Variants in BANK1 observed in about 807,000 individuals in gnomAD.
The protein encoded by BANK1 is B cell scaffold protein with ankyrin repeats 1.
BANK1 carries 95 observed loss-of-function variants against 94.5 expected under a neutral mutation model. The ratio of observed to expected loss-of-function variants is 1.00; its 90% CI spans 0.85 to 1.19. The LOEUF is 1.19. Ranked by LOEUF, BANK1 falls within the 50% of genes most tolerant of loss-of-function variation. BANK1 has a pLI of 0.00. For missense variants in BANK1, 987 were observed against 932.2 expected (o/e 1.06, Z -0.77); for synonymous variants, 334 against 308.4 (o/e 1.08, Z -0.87).
At chr4:101,930,741 G>T (rs1490152954) in intron 7 of BANK1, among the ~76,000 whole-genome samples, 1 of 151,444 alleles carries the variant, frequency 6.6e-6, no homozygotes, top group Admixed American at 6.6e-5. Flanking sequence ...CACACATTTG[G>T]TAATAAGTAG....
Position 101,925,932 on chromosome 4 carries a change from A to G in BANK1, c.1206+7743A>G, listed in dbSNP as rs560642938. On this transcript the variant is annotated intron_variant, in intron 7 of 16. Coordinates refer to ENST00000322953, the MANE Select transcript of BANK1 (RefSeq NM_017935.5). ...AATTAAAGCAATCAGTATTGACACC[A>G]TATCTGTCGAGCGTGGCCCTCATGA... is the stretch of plus-strand genomic sequence containing the variant. Among the ~76,000 whole-genome samples the G allele has an allele frequency of 2.9e-3, 439 of 151,896 alleles. 3 individuals are homozygous for G. The highest frequency in any genetic ancestry group is 4.3e-3 in the Non-Finnish European group (292 of 67,792).
chr4:102,003,849 A>G (rs1053475809), intron 7 of BANK1, among the ~76,000 whole-genome samples: 24 of 151,460 alleles, frequency 1.6e-4, no homozygotes, highest in African/African-American at 5.3e-4. Context: ...ATATATGCCT[A>G]TTTCATATTT....
In BANK1 at chr4:101,847,984, G is replaced by A. The variant is rs566495088; in HGVS notation, c.470-7051G>A. ...GGCCATCTTCCTGATGGATCCCTTT[G>A]GCGCCAGCGAGGAATGGCTGCCTGG... On this transcript the variant is annotated intron_variant, in intron 2 of 16. Transcript: ENST00000322953. Among the ~76,000 whole-genome samples, 228 of 152,214 alleles carry A rather than the reference G, an allele frequency of 1.5e-3. 1 individual carries two copies. Among genetic ancestry groups the A allele is most frequent in the African/African-American group, 5.0e-3 (207 of 41,542 alleles).
intron 11 of BANK1, among the ~76,000 whole-genome samples, chr4:102,055,545 T>C (rs892546083): frequency 2.6e-5 from 4 of 152,012 alleles, no homozygotes; most frequent in Non-Finnish European, 5.9e-5. Flanking sequence ...AAGGAGATAC[T>C]TTCTCCATTA....
In BANK1 at chr4:101,953,757, C is replaced by T. The variant is rs556845399; in HGVS notation, c.1206+35568C>T. ...CTCAGTGATATTTTAACTAAAACCC[C>T]ACTGAGTCATGAGCCTAAATTTTAT... On this transcript the variant is annotated intron_variant, in intron 7 of 16. Coordinates refer to ENST00000322953, the MANE Select transcript of BANK1 (RefSeq NM_017935.5). 1.9e-3 allele frequency among the ~76,000 whole-genome samples: 295 copies of T among 152,128 alleles called. 4 individuals carry two copies. Among genetic ancestry groups the T allele is most frequent in the Middle Eastern group, 6.8e-3 (2 of 292 alleles).
chr4:101,993,903 T>G (rs1002323484), intron 7 of BANK1, among the ~76,000 whole-genome samples: 1 of 152,232 alleles, frequency 6.6e-6, no homozygotes, highest in Non-Finnish European at 1.5e-5. Context: ...CCTGATTTAT[T>G]TTTACTTTAA....
Position 101,951,632 on chromosome 4 carries a change from G to A in BANK1, c.1206+33443G>A, listed in dbSNP as rs538681830. On this transcript the variant is annotated intron_variant, in intron 7 of 16. Transcript: ENST00000322953. Reference sequence around the variant, plus strand: ...TTAGATTTACTCATATATATAATGCGGATGTTTATGGACTACAATGAGAAA... The same window carrying A: ...TTAGATTTACTCATATATATAATGCAGATGTTTATGGACTACAATGAGAAA... Among the ~76,000 whole-genome samples the A allele has an allele frequency of 5.3e-5, 8 of 152,016 alleles. No individual in the cohort carries two copies. The East Asian group carries it at 7.7e-4, about 15-fold the overall frequency.
At chr4:101,915,206 T>C (rs144415527) in intron 6 of BANK1, among the ~76,000 whole-genome samples, 63 of 152,214 alleles carry the variant, frequency 4.1e-4, no homozygotes, top group African/African-American at 1.4e-3. Context: ...TGGTCACCAA[T>C]TGAATATTGA....
chr4:101,917,903 A>G, intron 6 of BANK1, 90 bp from the exon 7 acceptor site: 2 of 886,998 alleles, frequency 2.3e-6, no homozygotes, highest in Non-Finnish European at 3.4e-6. Context: ...CTTTATGGGA[A>G]TTACTTTTAG....
intron 7 of BANK1, among the ~76,000 whole-genome samples, chr4:101,978,530 C>G (rs73834533): frequency 8.0e-4 from 121 of 152,092 alleles, no homozygotes; most frequent in African/African-American, 2.8e-3. Flanking sequence ...TATTTAATTA[C>G]CAGGCATTCT....
intron 7 of BANK1, among the ~76,000 whole-genome samples, chr4:101,992,009 C>A (rs911012352): frequency 2.6e-5 from 4 of 152,074 alleles, no homozygotes; most frequent in African/African-American, 9.7e-5. Context: ...GTATGTAGGA[C>A]ATAAGAAATG....
At chr4:101,893,255 C>T (rs1721940304) in intron 5 of BANK1, among the ~76,000 whole-genome samples, 1 of 151,832 alleles carries the variant, frequency 6.6e-6, no homozygotes, top group South Asian at 2.1e-4. Context: ...TTTCATATTC[C>T]TAGTGGGAAC....
At chr4:101,923,311 C>T (rs1723057565) in intron 7 of BANK1, among the ~76,000 whole-genome samples, 1 of 151,658 alleles carries the variant, frequency 6.6e-6, no homozygotes, top group Non-Finnish European at 1.5e-5. Flanking sequence ...TATATATGTA[C>T]ATGCTTTACA....
chr4:101,860,694 G>C (rs1166101591), intron 3 of BANK1, among the ~76,000 whole-genome samples: 1 of 152,180 alleles, frequency 6.6e-6, no homozygotes, highest in Non-Finnish European at 1.5e-5. Context: ...GCCGCCCAAA[G>C]TGCTGGGATT....
Position 102,063,107 on chromosome 4 carries a change from T to C in BANK1, c.2181T>C (p.Ile727=). Residue 727 remains isoleucine (I), a synonymous_variant, in exon 13 of 17, where the codon ATT becomes ATC. Coordinates refer to ENST00000322953, the MANE Select transcript of BANK1 (RefSeq NM_017935.5). ...TACGACAACTACGAGACTGCATTATTGGGAAAAGGCCAGAAGAAGAAAATG... is the reference window on the plus strand; with the variant it reads ...TACGACAACTACGAGACTGCATTATCGGGAAAAGGCCAGAAGAAGAAAATG... ...EKLRQLRDCI[I]GKRPEEENVY... is the part of the protein sequence containing the mutation. The C allele has an allele frequency of 1.2e-6, 2 of 1,613,736 alleles. No homozygotes were observed. Among genetic ancestry groups the C allele is most frequent in the Non-Finnish European group, 1.7e-6 (2 of 1,179,746 alleles).
intron 1 of BANK1, among the ~76,000 whole-genome samples, chr4:101,819,540 C>A (rs9996100): frequency 0.18 from 26,585 of 151,884 alleles, 3,445 homozygotes; most frequent in African/African-American, 0.34. Context: ...AAATATATAC[C>A]CTATATATTT....
rs531210429 is a variant in BANK1 at position 101,940,983 on chromosome 4, G to C, written c.1206+22794G>C. 1.1e-4 allele frequency among the ~76,000 whole-genome samples: 17 copies of C among 151,832 alleles called. No homozygotes were observed. In the East Asian group the frequency reaches 3.1e-3, roughly 28 times the overall value. On this transcript the variant is annotated intron_variant, in intron 7 of 16. Coordinates refer to ENST00000322953, the MANE Select transcript of BANK1 (RefSeq NM_017935.5). The stretch of plus-strand genomic sequence containing the variant: ...CCTCCTTGAGGACAAAGACTGTAAA[G>C]TATGTGGAATCCTTCTACACAGGAG...
At chr4:101,956,486 G>C (rs1330947224) in intron 7 of BANK1, among the ~76,000 whole-genome samples, 2 of 152,122 alleles carry the variant, frequency 1.3e-5, no homozygotes, top group African/African-American at 2.4e-5. Context: ...AAAAGTCCTA[G>C]ACATCATCTA....
chr4:102,064,309 G>A (rs891819996), intron 13 of BANK1, among the ~76,000 whole-genome samples: 1 of 151,970 alleles, frequency 6.6e-6, no homozygotes, highest in Non-Finnish European at 1.5e-5. Flanking sequence ...AATAATTAAG[G>A]TCATAAAGAC....
Sources: allele counts gnomAD v4.1 joint callset (sites outside exome capture counted in the v4.1 genomes callset), GRCh38; gene constraint gnomAD v4.1.1; transcripts MANE v1.5; gene names NCBI Gene and HGNC (gene_info 2026-07-23, HGNC 2026-07-21).